Variants in PDZD2 observed in about 807,000 individuals in gnomAD.
The protein encoded by PDZD2 is PDZ domain containing 2.
Under a neutral mutation model 220.7 loss-of-function variants are expected in PDZD2, and 90 were observed. That is an observed-to-expected ratio of 0.41 (90% confidence interval 0.34 to 0.49). PDZD2 has a LOEUF of 0.49. Among genes scored for constraint, PDZD2 ranks in the 20% least tolerant of loss-of-function variants. PDZD2 has a pLI of 0.28. For missense variants in PDZD2, 3,174 were observed against 3,608.5 expected (o/e 0.88, Z 3.08); for synonymous variants, 1,375 against 1,450.5 (o/e 0.95, Z 1.18).
intron 13 of PDZD2, 87 bp downstream of exon 13, chr5:32,059,443 T>G (rs1453164683): frequency 1.7e-6 from 1 of 602,264 alleles, no homozygotes. Flanking sequence ...TTACTTCCCT[T>G]TGAGGGATGT....
chr5:32,104,158 G>A (rs115716801), intron 24 of PDZD2, among the ~76,000 whole-genome samples: 3,502 of 151,822 alleles, frequency 0.023, 144 homozygotes, highest in African/African-American at 0.081. Flanking sequence ...TTGTAATCCC[G>A]GCACTTTGGG....
intron 6 of PDZD2, among the ~76,000 whole-genome samples, chr5:32,022,678 A>G (rs1285665741): frequency 6.6e-6 from 1 of 152,134 alleles, no homozygotes; most frequent in Non-Finnish European, 1.5e-5. Flanking sequence ...GCAGAAACTG[A>G]TGACATTCTG....
Position 32,000,182 on chromosome 5 carries a change from G to A in PDZD2, c.1165G>A (p.Gly389Ser). 1 of 1,613,944 alleles carries A rather than the reference G, an allele frequency of 6.2e-7. No individual in the cohort carries two copies. The highest frequency in any genetic ancestry group is 8.5e-7 in the Non-Finnish European group (1 of 1,179,810). ...AGGAGATGAGCTGCTGGTAATCAAT[G>A]GTCATTTACTGGTCGGGCTCTCCCA... ...SLGDELLVIN[G>S]HLLVGLSHEE... Residue 389 changes from glycine (G) to serine (S), a missense_variant, in exon 5 of 25, where the codon GGT becomes AGT. Coordinates refer to ENST00000438447, the MANE Select transcript of PDZD2 (RefSeq NM_178140.4). This position sits in a 1 kb window ranked among gnomAD's most constrained non-coding sequence, Gnocchi z 4.5.
At chr5:31,849,438 AG>A (rs1757787632) in intron 2 of PDZD2, among the ~76,000 whole-genome samples, 1 of 152,194 alleles carries the variant, frequency 6.6e-6, no homozygotes, top group Non-Finnish European at 1.5e-5. Flanking sequence ...ATATAATTAT[AG>A]TAAGAGCTTA....
intron 2 of PDZD2, among the ~76,000 whole-genome samples, chr5:31,907,298 A>ACTGTGT (rs1486074238): frequency 4.6e-5 from 7 of 152,210 alleles, no homozygotes; most frequent in African/African-American, 1.7e-4. Context: ...CTGTCTTCTC[A>ACTGTGT]CTGTGTCTTC....
At chr5:32,008,506 G>A (rs180871161) in intron 5 of PDZD2, among the ~76,000 whole-genome samples, 1,616 of 152,056 alleles carry the variant, frequency 0.011, 14 homozygotes, top group Middle Eastern at 0.017. Context: ...GGCTGGTCTT[G>A]AACTCCTGAC....
At chr5:31,946,851 C>T (rs146738797) in intron 2 of PDZD2, among the ~76,000 whole-genome samples, 20 of 152,320 alleles carry the variant, frequency 1.3e-4, no homozygotes, top group African/African-American at 4.8e-4. Flanking sequence ...CAGATACACA[C>T]CACCACTGGC....
intron 2 of PDZD2, chr5:31,843,841 A>T (rs1456707664): frequency 6.6e-6 from 1 of 152,124 alleles, no homozygotes; most frequent in Non-Finnish European, 1.5e-5. Context: ...GGCTTTTGAG[A>T]TGTCCCCTAA....
intron 2 of PDZD2, among the ~76,000 whole-genome samples, chr5:31,891,133 T>A (rs1438775535): frequency 0.11 from 5,890 of 51,362 alleles, 413 homozygotes; most frequent in Admixed American, 0.19. Flanking sequence ...TTTCCTTTTT[T>A]TTTTTTTTTT....
intron 2 of PDZD2, among the ~76,000 whole-genome samples, chr5:31,938,892 C>T (rs78659463): frequency 6.6e-6 from 1 of 152,138 alleles, no homozygotes; most frequent in Non-Finnish European, 1.5e-5. Flanking sequence ...TAACTTGTGT[C>T]GAAACTTCAG....
At chr5:31,851,261 T>C (rs1758042238) in intron 2 of PDZD2, among the ~76,000 whole-genome samples, 1 of 152,174 alleles carries the variant, frequency 6.6e-6, no homozygotes. Context: ...CTGTCTGCTG[T>C]CAAATTCTTT....
intron 1 of PDZD2, among the ~76,000 whole-genome samples, chr5:31,745,043 A>G (rs180851851): frequency 3.0e-3 from 450 of 152,078 alleles, no homozygotes; most frequent in African/African-American, 0.01. Context: ...ATTGCACTCC[A>G]GCCTGGGCGA....
At chr5:32,049,798 G>C (rs574990099) in intron 8 of PDZD2, among the ~76,000 whole-genome samples, 1 of 152,258 alleles carries the variant, frequency 6.6e-6, no homozygotes, top group South Asian at 2.1e-4. Context: ...TTGGGGCATT[G>C]AGTAAAAGCA....
intron 1 of PDZD2, among the ~76,000 whole-genome samples, chr5:31,706,039 G>A (rs1340342554): frequency 6.6e-6 from 1 of 152,152 alleles, no homozygotes; most frequent in Non-Finnish European, 1.5e-5. Context: ...GCCACAGAGC[G>A]AGACTCCATC....
chr5:32,061,048 G>A lies in PDZD2; in HGVS notation c.2365G>A (p.Ala789Thr), dbSNP rs1174901121. ...AGTGAACTCCGTCAACGTCCGCCAT[G>A]CTGCTTTAAGCAAAGTCCACGCCAT... ...LEVNSVNVRH[A>T]ALSKVHAILS... Residue 789 changes from alanine (A) to threonine (T), a missense_variant, in exon 14 of 25, where the codon GCT becomes ACT. Transcript: ENST00000438447. 1 of 1,614,186 alleles carries A rather than the reference G, an allele frequency of 6.2e-7. No homozygotes were observed. Among genetic ancestry groups the A allele is most frequent in the South Asian group, 1.1e-5 (1 of 91,084 alleles).
intron 2 of PDZD2, among the ~76,000 whole-genome samples, chr5:31,918,763 TCATTGATGGC>T (rs577917354): frequency 6.2e-4 from 94 of 152,148 alleles, no homozygotes; most frequent in Non-Finnish European, 1.0e-3. Flanking sequence ...CCCCAAGATC[TCATTGATGGC>T]ACCGGCACTT....
intron 1 of PDZD2, among the ~76,000 whole-genome samples, chr5:31,727,473 G>A (rs1016815979): frequency 6.6e-6 from 1 of 152,014 alleles, no homozygotes; most frequent in Non-Finnish European, 1.5e-5. Context: ...TTGGGAGGCC[G>A]AGGCGGGCGC....
chr5:31,690,721 G>GC (rs1212610013), intron 1 of PDZD2, among the ~76,000 whole-genome samples: 1 of 152,098 alleles, frequency 6.6e-6, no homozygotes, highest in Non-Finnish European at 1.5e-5. Flanking sequence ...TGCATTTAGG[G>GC]CCCGCCTGGA....
chr5:31,670,764 G>A (rs2150117831), intron 1 of PDZD2, among the ~76,000 whole-genome samples: 1 of 152,166 alleles, frequency 6.6e-6, no homozygotes, highest in South Asian at 2.1e-4. Context: ...GAGGATTTGG[G>A]GTAGGAAGTT....
Sources: gnomAD v4.1 joint callset for allele counts (sites outside exome capture counted in the v4.1 genomes callset) on GRCh38, gnomAD v4.1.1 for gene constraint, Gnocchi (gnomAD v3.1) non-coding constraint, MANE v1.5 for transcripts, NCBI Gene and HGNC (gene_info 2026-07-23, HGNC 2026-07-21) for gene names.